CADPS: variants seen among roughly 807,000 people sequenced by gnomAD.
CADPS encodes the protein calcium dependent secretion activator, also known as calcium-dependent secretion activator 1.
In CADPS, 57 loss-of-function variants were observed where a neutral mutation model predicts 167.3. The ratio of observed to expected loss-of-function variants is 0.34; its 90% CI spans 0.28 to 0.42. CADPS has a LOEUF of 0.42. CADPS is among the 20% of genes least tolerant of loss of function. The pLI is 1.00. For missense variants in CADPS, 1,414 were observed against 1,738.1 expected (o/e 0.81, Z 3.32); for synonymous variants, 676 against 635.3 (o/e 1.06, Z -0.96).
At chr3:62,475,265 T>C (rs942798207) in intron 23 of CADPS, among the ~76,000 whole-genome samples, 1 of 152,134 alleles carries the variant, frequency 6.6e-6, no homozygotes, top group Non-Finnish European at 1.5e-5. Flanking sequence ...AAAAGGGGCC[T>C]AGTTATATTT....
chr3:62,436,960 C>A lies in CADPS; in HGVS notation c.3777+1144G>T, dbSNP rs759751513. Among the ~76,000 whole-genome samples, 8 of 151,768 alleles carry A rather than the reference C, an allele frequency of 5.3e-5. No individual in the cohort carries two copies. In the East Asian group the frequency reaches 1.5e-3, roughly 29 times the overall value. ...AGTCAGAAGCCGCAGAATCAGAAAGCGGTGCCAACAATGAGCTCACTTAGC... is the reference window on the plus strand; with the variant it reads ...AGTCAGAAGCCGCAGAATCAGAAAGAGGTGCCAACAATGAGCTCACTTAGC... On this transcript the variant is annotated intron_variant, in intron 28 of 29. Coordinates refer to ENST00000383710, the MANE Select transcript of CADPS (RefSeq NM_003716.4).
chr3:62,590,744 A>G (rs1265424365), intron 7 of CADPS, among the ~76,000 whole-genome samples: 1 of 152,124 alleles, frequency 6.6e-6, no homozygotes, highest in Non-Finnish European at 1.5e-5. Flanking sequence ...ATTATGCTAT[A>G]GATGTTATAT....
intron 1 of CADPS, among the ~76,000 whole-genome samples, chr3:62,846,898 C>T (rs1034811510): frequency 6.6e-6 from 1 of 152,148 alleles, no homozygotes; most frequent in East Asian, 1.9e-4. Flanking sequence ...AAACTCCTGA[C>T]CTCAAGTGAT....
In CADPS at chr3:62,744,636, T is replaced by A. The variant is rs867732312; in HGVS notation, c.888+8805A>T. On this transcript the variant is annotated intron_variant, in intron 3 of 29. Transcript: ENST00000383710. Reference sequence around the variant, plus strand: ...AAAGGTAGAAAAAAGCAGAAAATATTATTTTTGTATGTATCTTTCTGAAAG... The same window carrying A: ...AAAGGTAGAAAAAAGCAGAAAATATAATTTTTGTATGTATCTTTCTGAAAG... 5.3e-5 allele frequency among the ~76,000 whole-genome samples: 8 copies of A among 152,354 alleles called. No homozygotes were observed. The South Asian group carries it at 1.5e-3, about 28-fold the overall frequency.
At chr3:62,751,674 G>A (rs1345603571) in intron 3 of CADPS, among the ~76,000 whole-genome samples, 1 of 152,136 alleles carries the variant, frequency 6.6e-6, no homozygotes. Context: ...ACCCGTCTTA[G>A]CCTCCCAAAG....
At chr3:62,804,203 GACC>G in intron 1 of CADPS, among the ~76,000 whole-genome samples, 1 of 152,132 alleles carries the variant, frequency 6.6e-6, no homozygotes, top group African/African-American at 2.4e-5. Context: ...TTAATTCAAG[GACC>G]ACAATAAATA....
chr3:62,525,086 A>G (rs988991963), intron 13 of CADPS, among the ~76,000 whole-genome samples: 30 of 152,188 alleles, frequency 2.0e-4, no homozygotes, highest in South Asian at 2.1e-4. Flanking sequence ...TTCAATGACT[A>G]TGGGATAAAG....
At chr3:62,613,254 G>A (rs1380865092) in intron 6 of CADPS, among the ~76,000 whole-genome samples, 1 of 152,086 alleles carries the variant, frequency 6.6e-6, no homozygotes, top group Non-Finnish European at 1.5e-5. Flanking sequence ...TTTGTCTCTG[G>A]AGCCCAGCAT....
chr3:62,720,444 A>G (rs1397997476), intron 3 of CADPS, among the ~76,000 whole-genome samples: 1 of 151,694 alleles, frequency 6.6e-6, no homozygotes, highest in African/African-American at 2.4e-5. Flanking sequence ...CAATCCTCCC[A>G]CTTTAGTCTC....
At chr3:62,591,256 G>C (rs552475402) in intron 7 of CADPS, among the ~76,000 whole-genome samples, 4 of 152,326 alleles carry the variant, frequency 2.6e-5, no homozygotes, top group African/African-American at 9.6e-5. Flanking sequence ...TTACAGTCCA[G>C]TGGGGCAGAC....
intron 3 of CADPS, among the ~76,000 whole-genome samples, chr3:62,746,550 C>A (rs2081496946): frequency 6.6e-6 from 1 of 152,174 alleles, no homozygotes; most frequent in Non-Finnish European, 1.5e-5. Flanking sequence ...GTTTCTCAGG[C>A]TGTTCTCGAA....
In CADPS at chr3:62,538,976, CA is replaced by C. The variant is rs934947868; in HGVS notation, c.1967-2396del. Among the ~76,000 whole-genome samples, 68 of 152,116 alleles carry C rather than the reference CA, an allele frequency of 4.5e-4. 1 individual carries two copies. The highest frequency in any genetic ancestry group is 1.0e-4 in the Non-Finnish European group (7 of 68,004). ...CTAATTCTAGTCGAAGTCTAAAGAACAATTTCATTTTTTACTAACGTTTTAA... is the reference window on the plus strand; with the variant it reads ...CTAATTCTAGTCGAAGTCTAAAGAACATTTCATTTTTTACTAACGTTTTAA... On this transcript the variant is annotated intron_variant, in intron 11 of 29. Transcript: ENST00000383710.
intron 8 of CADPS, among the ~76,000 whole-genome samples, chr3:62,582,191 A>G (rs1367011162): frequency 2.6e-5 from 4 of 152,332 alleles, no homozygotes; most frequent in South Asian, 4.1e-4. Flanking sequence ...CATGCCTGTA[A>G]TCCCAGAGCT....
At chr3:62,777,590 T>C (rs1001952450) in intron 1 of CADPS, among the ~76,000 whole-genome samples, 3 of 152,104 alleles carry the variant, frequency 2.0e-5, no homozygotes, top group African/African-American at 7.2e-5. Context: ...CTGTAACAAA[T>C]AGAGCATGCT....
At chr3:62,744,314 C>G (rs904920818) in intron 3 of CADPS, among the ~76,000 whole-genome samples, 1 of 151,542 alleles carries the variant, frequency 6.6e-6, no homozygotes, top group Non-Finnish European at 1.5e-5. Flanking sequence ...GAATCATTCA[C>G]TAGCCATCAA....
Position 62,859,400 on chromosome 3 carries a change from C to T in CADPS, c.441+15189G>A, listed in dbSNP as rs562423928. Reference sequence around the variant, plus strand: ...TCTTTAAGAGCTCAGCATGGCCTTCCGACTCAAATACTAATTGAATATTGA... The same window carrying T: ...TCTTTAAGAGCTCAGCATGGCCTTCTGACTCAAATACTAATTGAATATTGA... On this transcript the variant is annotated intron_variant, in intron 1 of 29. Transcript: ENST00000383710. Among the ~76,000 whole-genome samples the T allele has an allele frequency of 3.9e-5, 6 of 152,204 alleles. No homozygotes were observed. In the East Asian group the frequency reaches 7.7e-4, roughly 20 times the overall value.
intron 8 of CADPS, among the ~76,000 whole-genome samples, chr3:62,582,516 C>T (rs918469852): frequency 9.9e-5 from 15 of 152,150 alleles, no homozygotes; most frequent in African/African-American, 3.4e-4. Flanking sequence ...TTTCTACCCT[C>T]CTTTACACAA....
intron 11 of CADPS, among the ~76,000 whole-genome samples, chr3:62,542,964 T>C (rs1235816924): frequency 6.6e-6 from 1 of 152,198 alleles, no homozygotes; most frequent in Non-Finnish European, 1.5e-5. Flanking sequence ...ATAAATTTTC[T>C]ATACCTGATT....
At chr3:62,533,081 A>G (rs1191156832) in intron 12 of CADPS, 23 bp from the exon 13 acceptor site, 2 of 1,595,966 alleles carry the variant, frequency 1.3e-6, no homozygotes, top group Non-Finnish European at 1.7e-6. Flanking sequence ...TAAAGGAGAG[A>G]CTTTCTTTTA....
Sources: allele counts gnomAD v4.1 joint callset (sites outside exome capture counted in the v4.1 genomes callset), GRCh38; gene constraint gnomAD v4.1.1; transcripts MANE v1.5; gene names NCBI Gene and HGNC (gene_info 2026-07-23, HGNC 2026-07-21).